The following ADAMTSL2 variants were observed in gnomAD, a reference collection of about 807,000 sequenced individuals.
ADAMTSL2 encodes ADAMTS like 2, also known as ADAMTS-like protein 2.
A neutral mutation model predicts 117.0 loss-of-function variants in ADAMTSL2; 55 were observed. The observed-to-expected ratio is 0.47, with a 90% CI of 0.38 to 0.59. The LOEUF is 0.59. ADAMTSL2 is among the 20% of genes least tolerant of loss of function. The probability of loss-of-function intolerance (pLI) is 0.00; values close to 1 mark genes in which losing one functional copy is unlikely to be tolerated. For missense variants in ADAMTSL2, 1,182 were observed against 1,354.5 expected (o/e 0.87, Z 2.00); for synonymous variants, 572 against 566.4 (o/e 1.01, Z -0.14).
chr9:133,563,818 GGAGAGAGAGAGAGA>G (rs1359493983), intron 12 of ADAMTSL2, among the ~76,000 whole-genome samples: 1 of 33,488 alleles, frequency 3.0e-5, no homozygotes. Flanking sequence ...AGAGAAAGGG[GGAGAGAGAGAGAGA>G]GAGAGAGAGA....
chr9:133,548,545 GAACACTGA>G (rs1830407692), intron 9 of ADAMTSL2, among the ~76,000 whole-genome samples: 1 of 151,992 alleles, frequency 6.6e-6, no homozygotes, highest in Non-Finnish European at 1.5e-5. Flanking sequence ...GCGGTCTCAG[GAACACTGA>G]TGTGGGCAGG....
intron 5 of ADAMTSL2, 70 bp from the exon 6 acceptor site, chr9:133,540,528 A>G (rs1830191644): frequency 6.3e-7 from 1 of 1,578,782 alleles, no homozygotes; most frequent in Admixed American, 1.8e-5. Context: ...AGAGGGAGGA[A>G]AAGGGAAGTC....
intron 17 of ADAMTSL2, among the ~76,000 whole-genome samples, chr9:133,573,320 A>C (rs1425267375): frequency 1.3e-5 from 2 of 152,136 alleles, no homozygotes; most frequent in Non-Finnish European, 2.9e-5. Flanking sequence ...GAACATCTGG[A>C]CGGGGAGCCA....
At chr9:133,574,389 G>C (rs1398880848) in intron 18 of ADAMTSL2, among the ~76,000 whole-genome samples, 3 of 152,194 alleles carry the variant, frequency 2.0e-5, no homozygotes, top group Non-Finnish European at 4.4e-5. Flanking sequence ...CCTGGAGGAG[G>C]GACAGGGTGC....
chr9:133,570,630 GGC>G, intron 17 of ADAMTSL2, 123 bp downstream of exon 17: 1 of 1,113,460 alleles, frequency 9.0e-7, no homozygotes. Context: ...CCTCTGTGAG[GGC>G]TTTCCTTCCC....
chr9:133,562,745 T>C (rs1199009222), intron 12 of ADAMTSL2, among the ~76,000 whole-genome samples: 2 of 108,198 alleles, frequency 1.8e-5, no homozygotes, highest in African/African-American at 3.6e-5. Flanking sequence ...GGCGGCGTGG[T>C]GGGCACCGGC....
intron 7 of ADAMTSL2, among the ~76,000 whole-genome samples, chr9:133,543,662 G>GA (rs1830278429): frequency 6.6e-6 from 1 of 152,244 alleles, no homozygotes; most frequent in African/African-American, 2.4e-5. Context: ...GATGCACGCG[G>GA]AATCCTCCGT....
intron 17 of ADAMTSL2, among the ~76,000 whole-genome samples, chr9:133,571,462 C>T (rs890524436): frequency 2.0e-5 from 3 of 152,244 alleles, no homozygotes; most frequent in South Asian, 4.1e-4. Context: ...TGGGTGCCCC[C>T]TCGCCCCCAG....
At chr9:133,556,307 C>T (rs1217634785) in intron 11 of ADAMTSL2, among the ~76,000 whole-genome samples, 1 of 152,170 alleles carries the variant, frequency 6.6e-6, no homozygotes, top group Non-Finnish European at 1.5e-5. Context: ...TCACAACCGC[C>T]CTTAGTGGTG....
Position 133,574,030 on chromosome 9 carries a change from G to A in ADAMTSL2, c.2737+43G>A, listed in dbSNP as rs1281504975. 122 of 1,584,896 alleles carry A rather than the reference G, an allele frequency of 7.7e-5. No individual in the cohort carries two copies. In the East Asian group the frequency reaches 2.7e-3, roughly 36 times the overall value. ...CGAGGGTGGCTCTGGGAATTCCCAGGGGAGGCGAGGACAGAGTCAGGGCCT... is the reference window on the plus strand; with the variant it reads ...CGAGGGTGGCTCTGGGAATTCCCAGAGGAGGCGAGGACAGAGTCAGGGCCT... On this transcript the variant is annotated intron_variant, in intron 18 of 18. Transcript: ENST00000651351.
In ADAMTSL2 at chr9:133,570,465, C is replaced by G; in HGVS notation, c.2550C>G (p.Phe850Leu). The stretch of plus-strand genomic sequence containing the variant: ...AGCCTCCCGAGGAGAGCACGTGTTT[C>G]GAGAGGCCCTGCTTCAAGTGGTACA... ...AKKPPEESTCFERPCFKWYTS... is the reference protein window; with the variant it reads ...AKKPPEESTCLERPCFKWYTS... Residue 850 changes from phenylalanine (F) to leucine (L), a missense_variant, in exon 17 of 19, where the codon TTC becomes TTG. Transcript: ENST00000651351. The G allele has an allele frequency of 6.2e-7, 1 of 1,611,590 alleles. No individual in the cohort carries two copies. The highest frequency in any genetic ancestry group is 8.5e-7 in the Non-Finnish European group (1 of 1,179,442).
At chr9:133,573,391 C>T (rs1831155580) in intron 17 of ADAMTSL2, among the ~76,000 whole-genome samples, 1 of 152,214 alleles carries the variant, frequency 6.6e-6, no homozygotes, top group African/African-American at 2.4e-5. Context: ...CAGTCTGCAC[C>T]ACAGACCCAG....
At chr9:133,534,069 C>G (rs117458215), upstream of ADAMTSL2, among the ~76,000 whole-genome samples, 3 of 152,230 alleles carry the variant, frequency 2.0e-5, no homozygotes, top group African/African-American at 7.2e-5. Context: ...CAAGTTGGTG[C>G]TGGACATCTG....
chr9:133,561,232 C>A lies in ADAMTSL2; in HGVS notation c.1684C>A (p.Pro562Thr). The A allele has an allele frequency of 1.2e-6, 2 of 1,608,582 alleles. No individual in the cohort carries two copies. Among genetic ancestry groups the A allele is most frequent in the Non-Finnish European group, 1.7e-6 (2 of 1,178,050 alleles). Reference protein sequence around the residue: ...RPKARKQGVSPADMYRWKLSS... With the variant: ...RPKARKQGVSTADMYRWKLSS... ...CAAGGCGCGCAAGCAAGGCGTGAGT[C>A]CCGCGGACATGTACCGGTGGAAGCT... The change falls in exon 12 of 19, where the codon CCC becomes ACC. Residue 562 changes from proline (P) to threonine (T), a missense_variant. This residue lies in a region of ADAMTSL2 where 345 missense variants were observed against 325.8 expected (regional missense o/e 1.06). Transcript: ENST00000651351.
chr9:133,571,638 A>G (rs1378777858), intron 17 of ADAMTSL2, among the ~76,000 whole-genome samples: 1 of 152,104 alleles, frequency 6.6e-6, no homozygotes, highest in Admixed American at 6.5e-5. Flanking sequence ...CTCCAGCTTG[A>G]GTAACTCACA....
At position 133,555,825 on chromosome 9, in the gene ADAMTSL2, T is replaced by C; in HGVS notation, c.1544T>C (p.Leu515Pro). The change falls in exon 11 of 19, where the codon CTG (leucine) becomes CCG (proline). Residue 515 changes from leucine to proline, a missense_variant. Coordinates refer to ENST00000651351, the MANE Select transcript of ADAMTSL2 (RefSeq NM_014694.4). The stretch of plus-strand genomic sequence containing the variant: ...CCTTACCTGCTCAACGGGTCCTACC[T>C]GGAGCTGAGCAGCGACAGGGTTGCC... ...AGPYLLNGSY[L>P]ELSSDRVANS... 2 of 1,613,736 alleles carry C rather than the reference T, an allele frequency of 1.2e-6. No individual in the cohort carries two copies. The highest frequency in any genetic ancestry group is 1.7e-6 in the Non-Finnish European group (2 of 1,180,018).
chr9:133,541,200 T>C (rs1830215391), intron 7 of ADAMTSL2, among the ~76,000 whole-genome samples, 199 bp downstream of exon 7: 1 of 152,102 alleles, frequency 6.6e-6, no homozygotes, highest in Non-Finnish European at 1.5e-5. Flanking sequence ...GGGCAACCCT[T>C]TGTTGAGGAC....
At chr9:133,572,151 G>A (rs1831120796) in intron 17 of ADAMTSL2, among the ~76,000 whole-genome samples, 1 of 152,058 alleles carries the variant, frequency 6.6e-6, no homozygotes, top group South Asian at 2.1e-4. Context: ...GCTTGGTGGT[G>A]TCTGGCCTCC....
At chr9:133,556,500 G>A (rs1054602638) in intron 11 of ADAMTSL2, among the ~76,000 whole-genome samples, 2 of 152,222 alleles carry the variant, frequency 1.3e-5, no homozygotes, top group African/African-American at 4.8e-5. Context: ...GCCTCAGCAA[G>A]GGCTGGAGAG....
Sources: allele counts gnomAD v4.1 joint callset (sites outside exome capture counted in the v4.1 genomes callset), GRCh38; gene constraint gnomAD v4.1.1; regional missense constraint gnomAD v4.1.1; transcripts MANE v1.5; gene names NCBI Gene and HGNC (gene_info 2026-07-23, HGNC 2026-07-21).